XPR1: variants seen among roughly 807,000 people sequenced by gnomAD.
XPR1 encodes xenotropic and polytropic retrovirus receptor 1, also known as solute carrier family 53 member 1.
XPR1 carries 28 observed loss-of-function variants against 87.5 expected under a neutral mutation model. The ratio of observed to expected loss-of-function variants is 0.32; its 90% CI spans 0.24 to 0.44. XPR1 has a LOEUF of 0.44. Among genes scored for constraint, XPR1 ranks in the 20% least tolerant of loss-of-function variants. XPR1 has a pLI of 1.00. For synonymous variants in XPR1, 300 were observed against 306.1 expected, an observed-to-expected ratio of 0.98 and a Z score of 0.21; for missense variants, 559 against 862.3, an observed-to-expected ratio of 0.65 and a Z score of 4.41.
At chr1:180,670,557 T>A (rs1456090488) in intron 1 of XPR1, among the ~76,000 whole-genome samples, 1 of 152,228 alleles carries the variant, frequency 6.6e-6, no homozygotes, top group Non-Finnish European at 1.5e-5. Flanking sequence ...TTTTATATAC[T>A]GTGTGCCCAG....
At chr1:180,642,816 G>A (rs773339815) in intron 1 of XPR1, among the ~76,000 whole-genome samples, 19 of 152,082 alleles carry the variant, frequency 1.2e-4, no homozygotes, top group Non-Finnish European at 2.1e-4. Context: ...GTGTAAAGAC[G>A]TTTATCTTGG....
intron 2 of XPR1, among the ~76,000 whole-genome samples, chr1:180,730,105 A>G (rs1658501434): frequency 6.6e-6 from 1 of 152,194 alleles, no homozygotes; most frequent in Non-Finnish European, 1.5e-5. Flanking sequence ...TCTTCTGCGT[A>G]TGGCTACCCA....
rs764795774 is a variant in XPR1 at position 180,889,076 on chromosome 1, T to C, written c.*5010T>C. ...CCCTAGAAAACAGCCTTCCAGAATA[T>C]GTTTGCTTATTTATGGTGGAAGAGG... On this transcript the variant is annotated 3_prime_UTR_variant, in exon 15 of 15. Coordinates refer to ENST00000367590, the MANE Select transcript of XPR1 (RefSeq NM_004736.4). The C allele has an allele frequency of 6.6e-6, 1 of 152,222 alleles. No homozygotes were observed. The highest frequency in any genetic ancestry group is 2.4e-5 in the African/African-American group (1 of 41,458). The allele number at this position is 152,222 out of a possible 1,614,324, so 9.4% of individuals were successfully genotyped here.
chr1:180,829,997 G>A (rs1243219275), intron 9 of XPR1, among the ~76,000 whole-genome samples: 2 of 152,050 alleles, frequency 1.3e-5, no homozygotes, highest in Admixed American at 6.6e-5. Flanking sequence ...TCTGTCTCAT[G>A]TCAGTTATAA....
At chr1:180,814,325 T>C (rs940854679) in intron 7 of XPR1, among the ~76,000 whole-genome samples, 4 of 152,206 alleles carry the variant, frequency 2.6e-5, no homozygotes, top group African/African-American at 9.6e-5. Flanking sequence ...TATAATCATA[T>C]TTTAATCTGG....
intron 1 of XPR1, among the ~76,000 whole-genome samples, chr1:180,657,969 A>G (rs933504643): frequency 6.6e-6 from 1 of 152,084 alleles, no homozygotes; most frequent in Non-Finnish European, 1.5e-5. Context: ...AGTTTCTTTC[A>G]TCAATGTTTT....
intron 1 of XPR1, among the ~76,000 whole-genome samples, chr1:180,656,364 T>A (rs565268223): frequency 9.2e-6 from 1 of 109,184 alleles, no homozygotes; most frequent in East Asian, 3.0e-4. Flanking sequence ...TTTATATATA[T>A]AATATTTATA....
At chr1:180,740,732 C>A (rs902068727) in intron 2 of XPR1, among the ~76,000 whole-genome samples, 2 of 152,102 alleles carry the variant, frequency 1.3e-5, no homozygotes, top group Non-Finnish European at 2.9e-5. Flanking sequence ...GACAGAATGC[C>A]ACATAGACTG....
intron 2 of XPR1, among the ~76,000 whole-genome samples, chr1:180,682,858 A>T (rs1343905872): frequency 6.6e-6 from 1 of 151,750 alleles, no homozygotes; most frequent in Non-Finnish European, 1.5e-5. Context: ...GTGTGTAAGC[A>T]TGTTTATGTA....
chr1:180,774,318 A>G (rs1414093652), intron 2 of XPR1, among the ~76,000 whole-genome samples: 3 of 152,134 alleles, frequency 2.0e-5, no homozygotes, highest in African/African-American at 7.2e-5. Flanking sequence ...TAAAGAATTA[A>G]CAAAGGATAA....
chr1:180,753,339 C>T lies in XPR1; in HGVS notation c.122-34414C>T, dbSNP rs1048138889. Among the ~76,000 whole-genome samples, 26 of 152,026 alleles carry T rather than the reference C, an allele frequency of 1.7e-4. No individual in the cohort carries two copies. In the South Asian group the frequency reaches 2.7e-3, roughly 16 times the overall value. On this transcript the variant is annotated intron_variant, in intron 2 of 14. Coordinates refer to ENST00000367590, the MANE Select transcript of XPR1 (RefSeq NM_004736.4). ...CAGCAGTTTGGGAGGCCAGGGCTGGCGAATCGCTTGAACTCGGAAGTTCAA... is the reference window on the plus strand; with the variant it reads ...CAGCAGTTTGGGAGGCCAGGGCTGGTGAATCGCTTGAACTCGGAAGTTCAA...
At position 180,794,796 on chromosome 1, in the gene XPR1, A is replaced by T. The variant is rs552580248; in HGVS notation, c.223+6942A>T. ...GCACAGTGGTGTTAAAGTACATGAC[A>T]TATTTGGGGATGAAGACAATAACAA... On this transcript the variant is annotated intron_variant, in intron 3 of 14. Coordinates refer to ENST00000367590, the MANE Select transcript of XPR1 (RefSeq NM_004736.4). Among the ~76,000 whole-genome samples the T allele has an allele frequency of 3.9e-5, 6 of 152,336 alleles. No homozygotes were observed. The South Asian group carries it at 1.2e-3, about 32-fold the overall frequency.
rs1248748856 is a variant in XPR1 at position 180,840,584 on chromosome 1, A to G, written c.1501+3868A>G. ...TGTGTGTGTATATATATATATATAT[A>G]TATATAAACTGGACAAAATTTTTTG... On this transcript the variant is annotated intron_variant, in intron 11 of 14. Coordinates refer to ENST00000367590, the MANE Select transcript of XPR1 (RefSeq NM_004736.4). 2.1e-3 allele frequency among the ~76,000 whole-genome samples: 222 copies of G among 104,586 alleles called. 1 individual carries two copies. The highest frequency in any genetic ancestry group is 5.2e-3 in the Middle Eastern group (1 of 194). The allele number at this position is 104,586 out of a possible 152,430, so 68.6% of individuals were successfully genotyped here. A position where few individuals can be genotyped will look rare whatever the true frequency, so the allele number is the denominator to read the frequency against.
chr1:180,881,257 G>A (rs1188651420), intron 14 of XPR1, among the ~76,000 whole-genome samples: 1 of 151,984 alleles, frequency 6.6e-6, no homozygotes, highest in Non-Finnish European at 1.5e-5. Flanking sequence ...TGCACCTCCT[G>A]GGTTCACGCC....
At chr1:180,811,371 T>TTGTCC in intron 6 of XPR1, 36 bp from the exon 7 acceptor site, 2 of 1,530,094 alleles carry the variant, frequency 1.3e-6, no homozygotes, top group Non-Finnish European at 1.8e-6. Flanking sequence ...AATCAGTGTT[T>TTGTCC]TGTCCTGTAC....
chr1:180,824,382 A>G (rs541816996), intron 7 of XPR1, among the ~76,000 whole-genome samples: 1 of 152,296 alleles, frequency 6.6e-6, no homozygotes, highest in Non-Finnish European at 1.5e-5. Context: ...GGAGATGAAG[A>G]CAATCCTGGC....
intron 2 of XPR1, among the ~76,000 whole-genome samples, chr1:180,741,923 G>A (rs975631580): frequency 6.6e-6 from 1 of 152,196 alleles, no homozygotes; most frequent in East Asian, 1.9e-4. Context: ...GCTGTCAAAT[G>A]TATGCACATG....
intron 1 of XPR1, among the ~76,000 whole-genome samples, chr1:180,653,041 A>T (rs1380805137): frequency 6.6e-6 from 1 of 152,118 alleles, no homozygotes; most frequent in Non-Finnish European, 1.5e-5. Context: ...GTTCTTCACC[A>T]CTTGGACCTC....
intron 2 of XPR1, among the ~76,000 whole-genome samples, chr1:180,714,263 GCAT>G (rs1189096066): frequency 7.2e-6 from 1 of 138,474 alleles, no homozygotes; most frequent in Non-Finnish European, 1.6e-5. Flanking sequence ...TCCTTCTCTA[GCAT>G]CATCATTATC....
Sources: gnomAD v4.1 joint callset for allele counts (sites outside exome capture counted in the v4.1 genomes callset) on GRCh38, gnomAD v4.1.1 for gene constraint, MANE v1.5 for transcripts, NCBI Gene and HGNC (gene_info 2026-07-23, HGNC 2026-07-21) for gene names.